Variants in KTN1 observed in about 807,000 individuals in gnomAD.
KTN1 encodes the protein kinectin 1.
KTN1 carries 130 observed loss-of-function variants against 222.5 expected under a neutral mutation model. That is an observed-to-expected ratio of 0.58 (90% CI 0.51 to 0.68). The LOEUF is 0.68. Among genes scored for constraint, KTN1 ranks in the 30% least tolerant of loss-of-function variants. The pLI, the probability that KTN1 is intolerant of heterozygous loss-of-function variation, is 0.00. For synonymous variants in KTN1, 512 were observed against 496.3 expected (o/e 1.03, Z -0.42); for missense variants, 1,508 against 1,500.4 (o/e 1.01, Z -0.08).
At chr14:55,656,817 G>A (rs1385487955) in intron 29 of KTN1, among the ~76,000 whole-genome samples, 5 of 151,944 alleles carry the variant, frequency 3.3e-5, no homozygotes, top group Non-Finnish European at 7.4e-5. Flanking sequence ...GATTATTTAG[G>A]GCTGTTTTTT....
At chr14:55,647,065 A>G (rs559199618) in intron 19 of KTN1, 58 bp downstream of exon 19, 7 of 1,023,432 alleles carry the variant, frequency 6.8e-6, no homozygotes, top group East Asian at 2.4e-5. Flanking sequence ...AATTAACTAC[A>G]TTAATTAGAG....
At chr14:55,599,337 G>A (rs1167981193) in intron 1 of KTN1, among the ~76,000 whole-genome samples, 1 of 152,054 alleles carries the variant, frequency 6.6e-6, no homozygotes, top group African/African-American at 2.4e-5. Context: ...GTTCACCTCT[G>A]GCAGGAGTAT....
At chr14:55,656,550 C>T (rs560395988) in intron 29 of KTN1, among the ~76,000 whole-genome samples, 1 of 152,118 alleles carries the variant, frequency 6.6e-6, no homozygotes, top group African/African-American at 2.4e-5. Flanking sequence ...CTGCAACCTC[C>T]TCCTCCTGGG....
intron 18 of KTN1, chr14:55,644,247 C>A: frequency 8.1e-5 from 30 of 370,102 alleles, no homozygotes; most frequent in Non-Finnish European, 1.1e-4. Context: ...TTTTCTTTAA[C>A]CCCTTTCTAT....
chr14:55,663,846 A>AT, intron 32 of KTN1, 109 bp from the exon 33 acceptor site: 3 of 651,358 alleles, frequency 4.6e-6, no homozygotes. Context: ...CATTGAAATA[A>AT]TTTTGCAGTA....
intron 5 of KTN1, among the ~76,000 whole-genome samples, chr14:55,625,821 T>C (rs2039743782): frequency 6.6e-6 from 1 of 152,236 alleles, no homozygotes; most frequent in Admixed American, 6.5e-5. Flanking sequence ...TTTATTCATA[T>C]TGCTGGTAGA....
intron 6 of KTN1, among the ~76,000 whole-genome samples, chr14:55,629,634 A>G (rs1267048624): frequency 2.6e-5 from 4 of 152,150 alleles, no homozygotes; most frequent in Admixed American, 6.5e-5. Flanking sequence ...GTGCTTTAAA[A>G]TGTTCTTTCG....
intron 1 of KTN1, among the ~76,000 whole-genome samples, chr14:55,584,818 A>G (rs998512209): frequency 5.9e-5 from 9 of 152,122 alleles, no homozygotes; most frequent in Admixed American, 1.3e-4. Context: ...CAGGTCCTCA[A>G]TAAGAATTTG....
At chr14:55,666,435 T>C (rs1019517047) in intron 33 of KTN1, among the ~76,000 whole-genome samples, 1 of 151,858 alleles carries the variant, frequency 6.6e-6, no homozygotes, top group Non-Finnish European at 1.5e-5. Flanking sequence ...TTTTCAAGTC[T>C]TGTGGAGGTA....
chr14:55,611,783 G>C (rs978639249), intron 1 of KTN1, among the ~76,000 whole-genome samples: 1 of 152,156 alleles, frequency 6.6e-6, no homozygotes, highest in Non-Finnish European at 1.5e-5. Flanking sequence ...ACATGATTTA[G>C]AAATGGAAGG....
chr14:55,651,949 TC>T, intron 25 of KTN1, 22 bp downstream of exon 25: 1 of 1,453,126 alleles, frequency 6.9e-7, no homozygotes. Context: ...TTATCTCATT[TC>T]CTTTTACTAT....
chr14:55,620,044 G>A (rs149360749), intron 5 of KTN1, among the ~76,000 whole-genome samples: 11,631 of 152,206 alleles, frequency 0.076, 494 homozygotes, highest in South Asian at 0.11. Flanking sequence ...GGTAAATACA[G>A]CCACTCCAAA....
At position 55,629,417 on chromosome 14, in the gene KTN1, C is replaced by CAAAA. The variant is rs58348373; in HGVS notation, c.1081-520_1081-517dup. 2.3e-3 allele frequency among the ~76,000 whole-genome samples: 111 copies of CAAAA among 49,106 alleles called. 2 individuals are homozygous for CAAAA. The highest frequency in any genetic ancestry group is 3.2e-3 in the African/African-American group (43 of 13,632). 32.2% of individuals were successfully genotyped at this position (49,106 alleles called of 152,430 possible). A position where few individuals can be genotyped will look rare whatever the true frequency, so the allele number is the denominator to read the frequency against. ...TGGGCGATGGAGTGAGACTCCGTCT[C>CAAAA]AAAAAAAAAAAAAAAAAAAAAAAGA... On this transcript the variant is annotated intron_variant, in intron 6 of 43. Coordinates refer to ENST00000395314, the MANE Select transcript of KTN1 (RefSeq NM_001079521.2).
At chr14:55,635,852 G>A (rs552369675) in intron 9 of KTN1, among the ~76,000 whole-genome samples, 3 of 152,288 alleles carry the variant, frequency 2.0e-5, no homozygotes, top group Non-Finnish European at 2.9e-5. Flanking sequence ...GAGTAATTGA[G>A]TATGGAAAAT....
chr14:55,658,669 C>T, intron 30 of KTN1, 55 bp downstream of exon 30: 1 of 1,001,820 alleles, frequency 1.0e-6, no homozygotes, highest in East Asian at 2.5e-5. Flanking sequence ...AATTATATAA[C>T]CAGTGACATA....
chr14:55,646,476 TTTCCTTTCCTTTCCTTTCCTTTCC>T (rs1566788484), intron 18 of KTN1, among the ~76,000 whole-genome samples: 3 of 64,422 alleles, frequency 4.7e-5, no homozygotes, highest in South Asian at 6.1e-4. Context: ...TTTCCTTTCC[TTTCCTTTCCTTTCCTTTCCTTTCC>T]TTTCCTTTCC....
At position 55,672,613 on chromosome 14, in the gene KTN1, A is replaced by T; in HGVS notation, c.3532-17A>T. ...CTTGGTGGTTTTACTTGGCCATGTA[A>T]TTGTTTCACATTTCAGATGCAGTCA... On this transcript the variant is annotated splice_polypyrimidine_tract_variant and intron_variant, in intron 37 of 43. Transcript: ENST00000395314. 1 of 1,557,990 alleles carries T rather than the reference A, an allele frequency of 6.4e-7. No individual in the cohort carries two copies. The highest frequency in any genetic ancestry group is 8.8e-7 in the Non-Finnish European group (1 of 1,130,190).
At chr14:55,634,409 G>A (rs896363336) in intron 8 of KTN1, 117 bp from the exon 9 acceptor site, 28 of 777,662 alleles carry the variant, frequency 3.6e-5, no homozygotes, top group Non-Finnish European at 5.3e-5. Context: ...TTCTGTTTCA[G>A]TTGGGCTGTA....
intron 1 of KTN1, among the ~76,000 whole-genome samples, chr14:55,589,474 T>G (rs2033684475): frequency 6.6e-6 from 1 of 151,804 alleles, no homozygotes; most frequent in Non-Finnish European, 1.5e-5. Flanking sequence ...CAAATCTCGC[T>G]AATATTTGTA....
Sources: gnomAD v4.1 joint callset for allele counts (sites outside exome capture counted in the v4.1 genomes callset) on GRCh38, gnomAD v4.1.1 for gene constraint, MANE v1.5 for transcripts, NCBI Gene and HGNC (gene_info 2026-07-23, HGNC 2026-07-21) for gene names.